The following NUDT9 variants were observed in gnomAD, a reference collection of about 807,000 sequenced individuals.
The protein encoded by NUDT9 is nudix hydrolase 9.
NUDT9 carries 31 observed loss-of-function variants against 41.0 expected under a neutral mutation model. The observed-to-expected ratio is 0.76, with a 90% CI of 0.57 to 1.02. The LOEUF (loss-of-function observed/expected upper bound fraction) is 1.02. Ranked by LOEUF, NUDT9 falls within the 50% of genes least tolerant of loss-of-function variation. NUDT9 has a pLI of 0.00. For synonymous variants in NUDT9, 146 were observed against 147.6 expected, an observed-to-expected ratio of 0.99 and a Z score of 0.08; for missense variants, 380 against 431.4, an observed-to-expected ratio of 0.88 and a Z score of 1.06.
At chr4:87,443,469 T>G (rs1220241321) in intron 4 of NUDT9, among the ~76,000 whole-genome samples, 1 of 152,230 alleles carries the variant, frequency 6.6e-6, no homozygotes, top group East Asian at 1.9e-4. Flanking sequence ...GTAGGCACTT[T>G]GGTAAATATA....
At position 87,422,931 on chromosome 4, in the gene NUDT9, C is replaced by T; in HGVS notation, c.26C>T (p.Ala9Val). Residue 9 changes from alanine to valine, a missense_variant, in exon 1 of 8, where the codon GCT (alanine) becomes GTT (valine). Transcript: ENST00000302174. MAGRLLGK[A>V]LAAVSLSLAL... ...ATGGCGGGACGCCTCCTGGGAAAGG[C>T]TTTAGCCGCGGTGTCTCTCTCTCTG... 6.2e-7 allele frequency: 1 copy of T among 1,612,260 alleles called. No homozygotes were observed. Among genetic ancestry groups the T allele is most frequent in the Non-Finnish European group, 8.5e-7 (1 of 1,179,792 alleles).
chr4:87,431,291 T>G (rs1721677230), intron 1 of NUDT9, among the ~76,000 whole-genome samples: 1 of 152,248 alleles, frequency 6.6e-6, no homozygotes, highest in Admixed American at 6.5e-5. Context: ...CTAGTCTATA[T>G]GTCTTTCTGT....
chr4:87,435,330 C>G, intron 2 of NUDT9, 110 bp downstream of exon 2: 9 of 1,249,178 alleles, frequency 7.2e-6, no homozygotes, highest in Non-Finnish European at 8.8e-6. Context: ...CTATGCTTAG[C>G]TGTGTTATAA....
At chr4:87,443,556 G>T (rs1722310197) in intron 4 of NUDT9, among the ~76,000 whole-genome samples, 1 of 152,184 alleles carries the variant, frequency 6.6e-6, no homozygotes, top group Non-Finnish European at 1.5e-5. Context: ...AAAATGTGAA[G>T]TAAGAAAACA....
intron 6 of NUDT9, 122 bp downstream of exon 6, chr4:87,451,857 A>G (rs1337210266): frequency 1.3e-6 from 1 of 794,622 alleles, no homozygotes; most frequent in Non-Finnish European, 1.9e-6. Flanking sequence ...TATTTAAAAT[A>G]TATTCACAAA....
At chr4:87,451,282 A>T (rs1722697267) in intron 5 of NUDT9, among the ~76,000 whole-genome samples, 1 of 152,192 alleles carries the variant, frequency 6.6e-6, no homozygotes, top group African/African-American at 2.4e-5. Flanking sequence ...ATGGGGGAAG[A>T]ATCAATGTGC....
chr4:87,427,781 C>A (rs1015338559), intron 1 of NUDT9, among the ~76,000 whole-genome samples: 1 of 152,090 alleles, frequency 6.6e-6, no homozygotes, highest in South Asian at 2.1e-4. Flanking sequence ...TTGCCCTACT[C>A]CCAAACCATG....
chr4:87,455,644 TTTTTTTC>T (rs1350434379), intron 7 of NUDT9, among the ~76,000 whole-genome samples: 15 of 151,650 alleles, frequency 9.9e-5, no homozygotes, highest in East Asian at 3.9e-4. Context: ...TTTTAGTGCT[TTTTTTTC>T]TTTTTTCTTT....
At chr4:87,435,593 A>G (rs901943692) in intron 2 of NUDT9, among the ~76,000 whole-genome samples, 2 of 152,204 alleles carry the variant, frequency 1.3e-5, no homozygotes, top group South Asian at 2.1e-4. Context: ...TTATTTTCCA[A>G]CATAGCTAGA....
intron 1 of NUDT9, among the ~76,000 whole-genome samples, chr4:87,423,563 A>G (rs1578061622): frequency 6.6e-6 from 1 of 152,054 alleles, no homozygotes; most frequent in East Asian, 1.9e-4. Context: ...GAGTTAGTAA[A>G]CACAGGGTCC....
chr4:87,434,810 C>A (rs1185905855), intron 1 of NUDT9, among the ~76,000 whole-genome samples, 171 bp from the exon 2 acceptor site: 1 of 151,876 alleles, frequency 6.6e-6, no homozygotes, highest in Non-Finnish European at 1.5e-5. Context: ...GTAGAGACGG[C>A]ATTTCACCAT....
intron 2 of NUDT9, among the ~76,000 whole-genome samples, chr4:87,437,753 A>G (rs1162888570): frequency 2.0e-5 from 3 of 152,186 alleles, no homozygotes; most frequent in East Asian, 3.8e-4. Context: ...CCAGCATAGT[A>G]TGTCTGTTTT....
At chr4:87,450,571 G>T (rs1344188162) in intron 5 of NUDT9, among the ~76,000 whole-genome samples, 1 of 151,512 alleles carries the variant, frequency 6.6e-6, no homozygotes, top group Admixed American at 6.6e-5. Flanking sequence ...TAGAGACAGG[G>T]TTTCACCATC....
At chr4:87,423,323 T>C (rs955059396) in intron 1 of NUDT9, among the ~76,000 whole-genome samples, 2 of 152,162 alleles carry the variant, frequency 1.3e-5, no homozygotes, top group Admixed American at 1.3e-4. Flanking sequence ...GGTTAATACT[T>C]AAAACATTAT....
intron 4 of NUDT9, among the ~76,000 whole-genome samples, chr4:87,446,776 T>C (rs934184356): frequency 2.0e-5 from 3 of 152,168 alleles, no homozygotes; most frequent in African/African-American, 7.2e-5. Flanking sequence ...AATGGATAAA[T>C]ACATTAAAGC....
intron 3 of NUDT9, among the ~76,000 whole-genome samples, chr4:87,439,147 CAG>C (rs1722086188): frequency 6.8e-6 from 1 of 146,514 alleles, no homozygotes; most frequent in Non-Finnish European, 1.5e-5. Flanking sequence ...GCCTGGGCGA[CAG>C]AGCGAGACTC....
chr4:87,457,772 A>T, intron 7 of NUDT9, 71 bp from the exon 8 acceptor site: 1 of 1,354,432 alleles, frequency 7.4e-7, no homozygotes, highest in East Asian at 2.4e-5. Context: ...TTAAATAAGA[A>T]TACTTGACGA....
intron 5 of NUDT9, 112 bp from the exon 6 acceptor site, chr4:87,451,477 A>G (rs1324351689): frequency 1.3e-6 from 1 of 782,224 alleles, no homozygotes; most frequent in African/African-American, 1.7e-5. Flanking sequence ...AGAAATGGGG[A>G]TCACTATTAT....
At chr4:87,439,244 T>G (rs1722092008) in intron 3 of NUDT9, among the ~76,000 whole-genome samples, 1 of 151,822 alleles carries the variant, frequency 6.6e-6, no homozygotes, top group South Asian at 2.1e-4. Flanking sequence ...TCTGCATGGC[T>G]GGGGAGGCCT....
Sources: allele counts gnomAD v4.1 joint callset (sites outside exome capture counted in the v4.1 genomes callset), GRCh38; gene constraint gnomAD v4.1.1; transcripts MANE v1.5; gene names NCBI Gene and HGNC (gene_info 2026-07-23, HGNC 2026-07-21).